SUPT3H: variants seen among roughly 807,000 people sequenced by gnomAD.
SUPT3H encodes the protein SPT3 homolog, SAGA and STAGA complex component.
SUPT3H carries 44 observed loss-of-function variants against 44.3 expected under a neutral mutation model. That is an observed-to-expected ratio of 0.99 (90% confidence interval 0.78 to 1.28). The LOEUF is 1.28. Ranked by LOEUF, SUPT3H falls within the 50% of genes most tolerant of loss-of-function variation. The pLI is 0.00. For missense variants in SUPT3H, 380 were observed against 387.1 expected (o/e 0.98, Z 0.15); for synonymous variants, 124 against 125.6 (o/e 0.99, Z 0.09).
chr6:45,041,478 T>G (rs1022808931), intron 3 of SUPT3H, among the ~76,000 whole-genome samples: 3 of 152,024 alleles, frequency 2.0e-5, no homozygotes, highest in African/African-American at 7.2e-5. Flanking sequence ...ATGACAATGG[T>G]GAAAGAGAAA....
chr6:45,198,989 G>GT (rs1230818775), intron 2 of SUPT3H, among the ~76,000 whole-genome samples: 2 of 151,130 alleles, frequency 1.3e-5, no homozygotes, highest in African/African-American at 4.8e-5. Context: ...ACAAATATCT[G>GT]TGCTATTTTA....
chr6:44,954,632 C>T (rs1405425036), intron 7 of SUPT3H, 25 bp from the exon 8 acceptor site: 1 of 1,455,574 alleles, frequency 6.9e-7, no homozygotes, highest in African/African-American at 1.4e-5. Context: ...AAAACAAGTG[C>T]AGAAATTTTA....
chr6:45,335,126 TA>T (rs1788296154), intron 2 of SUPT3H, among the ~76,000 whole-genome samples: 1 of 151,214 alleles, frequency 6.6e-6, no homozygotes, highest in Non-Finnish European at 1.5e-5. Flanking sequence ...GTAACCTGGG[TA>T]AACAATTTAA....
chr6:44,863,890 C>T (rs1775065280), intron 10 of SUPT3H, among the ~76,000 whole-genome samples: 1 of 152,040 alleles, frequency 6.6e-6, no homozygotes, highest in Admixed American at 6.5e-5. Context: ...CATCAGATCT[C>T]GTGACACTTA....
At chr6:45,280,118 T>C (rs1011842616) in intron 2 of SUPT3H, among the ~76,000 whole-genome samples, 2 of 152,206 alleles carry the variant, frequency 1.3e-5, no homozygotes, top group East Asian at 1.9e-4. Flanking sequence ...TGCAAAAATA[T>C]GTATGTCTAA....
chr6:45,286,749 C>A (rs1198623730), intron 2 of SUPT3H, among the ~76,000 whole-genome samples: 1 of 152,164 alleles, frequency 6.6e-6, no homozygotes, highest in African/African-American at 2.4e-5. Flanking sequence ...TGGGTATATA[C>A]CCAAAGGATT....
chr6:45,303,101 C>T (rs535703084), intron 2 of SUPT3H, among the ~76,000 whole-genome samples: 119 of 152,214 alleles, frequency 7.8e-4, no homozygotes, highest in Admixed American at 3.5e-3. Context: ...TATCTCTCAC[C>T]TTATACAAAA....
chr6:45,131,024 C>G (rs1803394490), intron 2 of SUPT3H, among the ~76,000 whole-genome samples: 1 of 151,928 alleles, frequency 6.6e-6, no homozygotes, highest in Admixed American at 6.6e-5. Flanking sequence ...GCCAAGAACA[C>G]TTTTAAGTAG....
chr6:45,116,730 T>C (rs1800899357), intron 2 of SUPT3H, among the ~76,000 whole-genome samples: 1 of 152,172 alleles, frequency 6.6e-6, no homozygotes, highest in South Asian at 2.1e-4. Flanking sequence ...TATTGAGATA[T>C]CATTTACATA....
rs1379537666 is a variant in SUPT3H at position 44,827,316 on chromosome 6, T to G, written c.*2500A>C. Reference sequence around the variant, plus strand: ...AATTAGTACAGTTTTTAAATAAATTTACATCGTTGTCTAGGATAAATATGC... The same window carrying G: ...AATTAGTACAGTTTTTAAATAAATTGACATCGTTGTCTAGGATAAATATGC... On this transcript the variant is annotated 3_prime_UTR_variant, in exon 11 of 11. Coordinates refer to ENST00000371459, the MANE Select transcript of SUPT3H (RefSeq NM_003599.4). 1.3e-5 allele frequency among the ~76,000 whole-genome samples: 2 copies of G among 152,152 alleles called. No individual in the cohort carries two copies. The highest frequency in any genetic ancestry group is 2.9e-5 in the Non-Finnish European group (2 of 67,988).
At chr6:44,840,573 G>A (rs949519270) in intron 10 of SUPT3H, among the ~76,000 whole-genome samples, 7 of 152,174 alleles carry the variant, frequency 4.6e-5, no homozygotes, top group Admixed American at 3.3e-4. Flanking sequence ...ACTCCTACTC[G>A]GGTGTGAACA....
At chr6:44,990,322 T>C (rs934696584) in intron 6 of SUPT3H, among the ~76,000 whole-genome samples, 1 of 152,150 alleles carries the variant, frequency 6.6e-6, no homozygotes, top group Non-Finnish European at 1.5e-5. Flanking sequence ...GGGCTTTCTG[T>C]TCCATTGGTC....
chr6:45,081,183 A>G (rs901566671), intron 3 of SUPT3H, among the ~76,000 whole-genome samples: 2 of 151,996 alleles, frequency 1.3e-5, no homozygotes, highest in Admixed American at 1.3e-4. Context: ...ACAGAGAGAA[A>G]AACAATGCCT....
chr6:45,261,056 A>T (rs1274368122), intron 2 of SUPT3H, among the ~76,000 whole-genome samples: 2 of 152,020 alleles, frequency 1.3e-5, no homozygotes, highest in South Asian at 2.1e-4. Flanking sequence ...TTTTAAAATA[A>T]TTTTTTTAAA....
At chr6:45,070,855 A>G (rs1418512967) in intron 3 of SUPT3H, among the ~76,000 whole-genome samples, 1 of 151,842 alleles carries the variant, frequency 6.6e-6, no homozygotes, top group Non-Finnish European at 1.5e-5. Flanking sequence ...CAGAGAGTTT[A>G]TATTACTAAA....
intron 10 of SUPT3H, among the ~76,000 whole-genome samples, chr6:44,883,492 A>G (rs1351908198): frequency 1.3e-5 from 2 of 152,196 alleles, no homozygotes; most frequent in Non-Finnish European, 2.9e-5. Context: ...CAATCAAGCT[A>G]CCATTGACTT....
intron 10 of SUPT3H, among the ~76,000 whole-genome samples, chr6:44,882,930 T>C (rs775774851): frequency 1.3e-5 from 2 of 152,300 alleles, no homozygotes; most frequent in South Asian, 2.1e-4. Context: ...GCCAATATCA[T>C]ACTGAATAGG....
At chr6:44,972,354 T>C (rs1777698623) in intron 6 of SUPT3H, among the ~76,000 whole-genome samples, 1 of 152,170 alleles carries the variant, frequency 6.6e-6, no homozygotes. Context: ...TGACTCCATG[T>C]CTCATATCCA....
intron 2 of SUPT3H, among the ~76,000 whole-genome samples, chr6:45,121,400 G>T (rs1801636510): frequency 6.6e-6 from 1 of 152,068 alleles, no homozygotes; most frequent in African/African-American, 2.4e-5. Flanking sequence ...TAAACAATTT[G>T]ACTTCCTGAG....
Sources: gnomAD v4.1 joint callset for allele counts (sites outside exome capture counted in the v4.1 genomes callset) on GRCh38, gnomAD v4.1.1 for gene constraint, MANE v1.5 for transcripts, NCBI Gene and HGNC (gene_info 2026-07-23, HGNC 2026-07-21) for gene names.